Variants in CCDC88A observed in about 807,000 individuals in gnomAD.
The protein encoded by CCDC88A is coiled-coil and HOOK domain protein 88A.
In CCDC88A, 54 loss-of-function variants were observed where a neutral mutation model predicts 234.3. That is an observed-to-expected ratio of 0.23 (90% CI 0.19 to 0.29). CCDC88A has a LOEUF of 0.29. Among genes scored for constraint, CCDC88A ranks in the 10% least tolerant of loss-of-function variants. The pLI is 1.00. For missense variants in CCDC88A, 1,832 were observed against 2,123.4 expected (o/e 0.86, Z 2.70); for synonymous variants, 753 against 737.8 (o/e 1.02, Z -0.33).
Position 55,312,517 on chromosome 2 carries a change from C to G in CCDC88A, c.3996G>C (p.Gln1332His). Residue 1332 changes from glutamine (Q) to histidine (H), a missense_variant, in exon 23 of 33, where the codon CAG becomes CAC. Gln to His is a conservative substitution (Grantham distance 24). Transcript: ENST00000436346. ...GTGTTCTGTTCTGTAGCATTAATGT[C>G]TGAATTTGATCTAGTAGATGCCGAT... ...EENRHLLDQI[Q>H]TLMLQNRTLL... The G allele has an allele frequency of 1.2e-6, 2 of 1,611,160 alleles. No homozygotes were observed. Among genetic ancestry groups the G allele is most frequent in the Non-Finnish European group, 1.7e-6 (2 of 1,178,898 alleles).
chr2:55,362,552 A>T, intron 6 of CCDC88A, 104 bp from the exon 7 acceptor site: 1 of 865,430 alleles, frequency 1.2e-6, no homozygotes, highest in Non-Finnish European at 1.7e-6. Flanking sequence ...AACCCATATA[A>T]AATATGAAAA....
chr2:55,317,352 G>A lies in CCDC88A; in HGVS notation c.3603-3C>T, dbSNP rs781677659. The A allele has an allele frequency of 1.4e-6, 2 of 1,457,108 alleles. No homozygotes were observed. The highest frequency in any genetic ancestry group is 1.7e-5 in the South Asian group (1 of 60,104). The allele number at this position is 1,457,108 out of a possible 1,614,324, so 90.3% of individuals were successfully genotyped here. A position where few individuals can be genotyped will look rare whatever the true frequency, so the allele number is the denominator to read the frequency against. On this transcript the variant is annotated splice_polypyrimidine_tract_variant and splice_region_variant and intron_variant, in intron 20 of 32. Coordinates refer to ENST00000436346, the MANE Select transcript of CCDC88A (RefSeq NM_001365480.1). This position sits in a 1 kb window ranked among gnomAD's most constrained non-coding sequence, Gnocchi z 4.2. Reference sequence around the variant, plus strand: ...TCTGTTTTAATAACTGATTGTAACTGGGGGGAAAAAAGGCATTTGGTTTAT... The same window carrying A: ...TCTGTTTTAATAACTGATTGTAACTAGGGGGAAAAAAGGCATTTGGTTTAT...
rs1161844159 is a variant in CCDC88A at position 55,301,243 on chromosome 2, A to G, written c.4707T>C (p.Gly1569=). The G allele has an allele frequency of 6.3e-7, 1 of 1,596,890 alleles. No homozygotes were observed. The highest frequency in any genetic ancestry group is 8.6e-7 in the Non-Finnish European group (1 of 1,168,706). ...ATCCCGTACTAGAATCATCACTAAC[A>G]CCTTGTGGACTTATGTCTTCAAAGG... ...TTSFEDISPQ[G]VSDDSSTGSR... Residue 1569 remains glycine, a synonymous_variant, in exon 28 of 33, where the codon GGT becomes GGC. Coordinates refer to ENST00000436346, the MANE Select transcript of CCDC88A (RefSeq NM_001365480.1).
Position 55,355,642 on chromosome 2 carries a change from C to A in CCDC88A, c.737G>T (p.Arg246Leu). 6.2e-7 allele frequency: 1 copy of A among 1,614,060 alleles called. No homozygotes were observed. The highest frequency in any genetic ancestry group is 1.1e-5 in the South Asian group (1 of 91,064). The change falls in exon 8 of 33, where the codon CGA (arginine) becomes CTA (leucine). Residue 246 changes from arginine (R) to leucine (L), a missense_variant. Transcript: ENST00000436346. ...TGCCAGTTCCACCGACAGATGTTGTCGACTTTCTGTTCGCTTCATGCCTGG... is the reference window on the plus strand; with the variant it reads ...TGCCAGTTCCACCGACAGATGTTGTAGACTTTCTGTTCGCTTCATGCCTGG... ...GSPGMKRTES[R>L]QHLSVELADA... is the part of the protein sequence containing the mutation.
At position 55,288,618 on chromosome 2, in the gene CCDC88A, A is replaced by G; in HGVS notation, c.*2582T>C. 6.6e-6 allele frequency: 1 copy of G among 152,616 alleles called. No homozygotes were observed. Among genetic ancestry groups the G allele is most frequent in the East Asian group, 1.9e-4 (1 of 5,206 alleles). 9.5% of individuals were successfully genotyped at this position (152,616 alleles called of 1,614,324 possible). A position where few individuals can be genotyped will look rare whatever the true frequency, so the allele number is the denominator to read the frequency against. On this transcript the variant is annotated 3_prime_UTR_variant, in exon 33 of 33. Transcript: ENST00000436346. ...TGCTACATACAAACCTGTTTTGTGA[A>G]CTCTTTGGTAACCACCAATTTAAAA...
Position 55,295,664 on chromosome 2 carries a change from G to A in CCDC88A, c.5484C>T (p.Asp1828=), listed in dbSNP as rs751610996. 1.9e-6 allele frequency: 3 copies of A among 1,614,118 alleles called. No homozygotes were observed. The highest frequency in any genetic ancestry group is 2.5e-6 in the Non-Finnish European group (3 of 1,180,046). Residue 1828 remains aspartate (D), a synonymous_variant, in exon 31 of 33, where the codon GAC becomes GAT. Transcript: ENST00000436346. ...RTSIHDFLTK[D]SRLPISVDSP... Reference sequence around the variant, plus strand: ...AATCAACTGATATAGGCAGTCTACTGTCCTTGGTCAAAAAATCATGGATGC... The same window carrying A: ...AATCAACTGATATAGGCAGTCTACTATCCTTGGTCAAAAAATCATGGATGC...
At chr2:55,404,409 T>C (rs1403048014) in intron 2 of CCDC88A, 2 of 152,164 alleles carry the variant, frequency 1.3e-5, no homozygotes, top group African/African-American at 2.4e-5. Flanking sequence ...TCGGTTTAAT[T>C]TGTCTTTTTC....
chr2:55,301,699 G>T, intron 27 of CCDC88A, 173 bp downstream of exon 27: 2 of 622,484 alleles, frequency 3.2e-6, no homozygotes, highest in Non-Finnish European at 5.6e-6. Flanking sequence ...TTAGTTATTT[G>T]TATAACGTTT....
intron 17 of CCDC88A, among the ~76,000 whole-genome samples, chr2:55,325,356 T>G (rs2104654658): frequency 6.6e-6 from 1 of 152,342 alleles, no homozygotes; most frequent in African/African-American, 2.4e-5. Context: ...TGTAGAGAAA[T>G]AAAATAGGTT....
At chr2:55,353,302 T>C (rs1041998990) in intron 8 of CCDC88A, among the ~76,000 whole-genome samples, 7 of 152,136 alleles carry the variant, frequency 4.6e-5, no homozygotes, top group African/African-American at 1.4e-4. Context: ...CTGGAGAAGA[T>C]TGTGCTAAAT....
chr2:55,345,953 G>A, intron 10 of CCDC88A: 1 of 362,296 alleles, frequency 2.8e-6, no homozygotes, highest in Non-Finnish European at 4.9e-6. Context: ...AGGAATAAAA[G>A]AAGAACCCCA....
chr2:55,294,932 C>T lies in CCDC88A; in HGVS notation c.5551+665G>A. 4 of 1,185,918 alleles carry T rather than the reference C, an allele frequency of 3.4e-6. No homozygotes were observed. In the Admixed American group the frequency reaches 1.6e-4, roughly 46 times the overall value. The allele number at this position is 1,185,918 out of a possible 1,614,324, so 73.5% of individuals were successfully genotyped here. A position where few individuals can be genotyped will look rare whatever the true frequency, so the allele number is the denominator to read the frequency against. ...ATACATGCCATCATGTACAGCTGAA[C>T]ACTGTGCAACAATTTTAAATAAAAA... is the stretch of plus-strand genomic sequence containing the variant. On this transcript the variant is annotated intron_variant, in intron 31 of 32. Coordinates refer to ENST00000436346, the MANE Select transcript of CCDC88A (RefSeq NM_001365480.1).
At chr2:55,418,279 T>C (rs1681802617) in intron 2 of CCDC88A, 1 of 152,944 alleles carries the variant, frequency 6.5e-6, no homozygotes, top group African/African-American at 2.4e-5. Flanking sequence ...AATCATCTCA[T>C]CAGGCTTTAG....
Position 55,343,630 on chromosome 2 carries a change from T to TA in CCDC88A, c.1333+17dup. The TA allele has an allele frequency of 1.3e-6, 2 of 1,574,278 alleles. No homozygotes were observed. Among genetic ancestry groups the TA allele is most frequent in the Non-Finnish European group, 1.7e-6 (2 of 1,162,452 alleles). On this transcript the variant is annotated intron_variant, in intron 12 of 32. Coordinates refer to ENST00000436346, the MANE Select transcript of CCDC88A (RefSeq NM_001365480.1). Reference sequence around the variant, plus strand: ...TCATGATTCGATTATCTATTTAAATTAAAAAAATTGGGAATACCTTCGGAA... The same window carrying TA: ...TCATGATTCGATTATCTATTTAAATTAAAAAAAATTGGGAATACCTTCGGAA...
chr2:55,335,625 G>A lies in CCDC88A; in HGVS notation c.1657-461C>T, dbSNP rs1487848907. On this transcript the variant is annotated intron_variant, in intron 14 of 32. Transcript: ENST00000436346. The surrounding 1 kb of genome is among the most constrained non-coding windows in gnomAD (Gnocchi z 4.5). ...TACATGTGTATATATGGGTTTGTATGTGTGTGTATTCATTCCCAAAAAGAA... is the reference window on the plus strand; with the variant it reads ...TACATGTGTATATATGGGTTTGTATATGTGTGTATTCATTCCCAAAAAGAA... 6.6e-6 allele frequency among the ~76,000 whole-genome samples: 1 copy of A among 152,178 alleles called. No individual in the cohort carries two copies. The highest frequency in any genetic ancestry group is 2.4e-5 in the African/African-American group (1 of 41,434).
chr2:55,336,020 T>C (rs1030117326), intron 14 of CCDC88A, among the ~76,000 whole-genome samples: 4 of 152,010 alleles, frequency 2.6e-5, no homozygotes, highest in Admixed American at 6.6e-5. Flanking sequence ...TAGTGATACT[T>C]TGTCTCTACC....
At chr2:55,378,259 A>C (rs1403887722) in intron 3 of CCDC88A, among the ~76,000 whole-genome samples, 1 of 152,174 alleles carries the variant, frequency 6.6e-6, no homozygotes, top group East Asian at 1.9e-4. Context: ...AAGCAATCTC[A>C]CACACTCTTT....
At position 55,362,443 on chromosome 2, in the gene CCDC88A, A is replaced by G. The variant is rs146374552; in HGVS notation, c.492T>C (p.Thr164=). The change falls in exon 7 of 33, where the codon ACT becomes ACC. Residue 164 remains threonine, a synonymous_variant. Coordinates refer to ENST00000436346, the MANE Select transcript of CCDC88A (RefSeq NM_001365480.1). ...GGTCAAACACATTTTCCTGATTATG[A>G]GTTACCTTTAGAAAAGTGACCAAAA... is the stretch of plus-strand genomic sequence containing the variant. ...AAVAAHIQEV[T]HNQENVFDLQ... is the part of the protein sequence containing the mutation. The G allele has an allele frequency of 1.3e-6, 2 of 1,599,070 alleles. No homozygotes were observed. Among genetic ancestry groups the G allele is most frequent in the Non-Finnish European group, 1.7e-6 (2 of 1,175,698 alleles).
At chr2:55,356,335 C>CT (rs1183323525) in intron 7 of CCDC88A, 1 of 152,172 alleles carries the variant, frequency 6.6e-6, no homozygotes, top group Non-Finnish European at 1.5e-5. Context: ...GATCTCATTC[C>CT]TTTTCATGGC....
Sources: gnomAD v4.1 joint callset for allele counts (sites outside exome capture counted in the v4.1 genomes callset) on GRCh38, gnomAD v4.1.1 for gene constraint, Gnocchi (gnomAD v3.1) non-coding constraint, MANE v1.5 for transcripts, NCBI Gene and HGNC (gene_info 2026-07-23, HGNC 2026-07-21) for gene names.